Variants in KIAA0825 observed in about 807,000 individuals in gnomAD.
The protein encoded by KIAA0825 is uncharacterized protein KIAA0825.
Under a neutral mutation model 147.6 loss-of-function variants are expected in KIAA0825, and 119 were observed. That is an observed-to-expected ratio of 0.81 (90% CI 0.69 to 0.94). KIAA0825 has a LOEUF of 0.94. Ranked by LOEUF, KIAA0825 falls within the 40% of genes least tolerant of loss-of-function variation. KIAA0825 has a pLI of 0.00. For missense variants in KIAA0825, 1,381 were observed against 1,472.7 expected (o/e 0.94, Z 1.02); for synonymous variants, 470 against 518.1 (o/e 0.91, Z 1.26).
intron 20 of KIAA0825, among the ~76,000 whole-genome samples, chr5:94,248,297 A>G (rs780498501): frequency 2.0e-5 from 3 of 152,174 alleles, no homozygotes; most frequent in Non-Finnish European, 2.9e-5. Context: ...CCTGTCTGGA[A>G]TGACAAAATC....
chr5:94,299,423 G>A (rs930205175), intron 20 of KIAA0825, among the ~76,000 whole-genome samples: 6 of 150,140 alleles, frequency 4.0e-5, no homozygotes, highest in African/African-American at 9.8e-5. Flanking sequence ...GTCTCACTGC[G>A]TTGCCCAGGC....
At chr5:94,188,680 G>A (rs1002538815) in intron 20 of KIAA0825, among the ~76,000 whole-genome samples, 1 of 152,080 alleles carries the variant, frequency 6.6e-6, no homozygotes. Flanking sequence ...AACAGTTGAT[G>A]GACATTTGGG....
Position 94,399,432 on chromosome 5 carries a change from T to C in KIAA0825, c.2888-2923A>G, listed in dbSNP as rs991408664. Among the ~76,000 whole-genome samples the C allele has an allele frequency of 3.3e-5, 5 of 152,110 alleles. No individual in the cohort carries two copies. The South Asian group carries it at 8.3e-4, about 25-fold the overall frequency. On this transcript the variant is annotated intron_variant, in intron 16 of 20. Transcript: ENST00000682413. ...ACACCTACACTCTACTGATATTTTA[T>C]AAACTCCGAGGACTATGGGCACTCA...
At chr5:94,593,605 G>C in intron 1 of KIAA0825, 1 of 513,568 alleles carries the variant, frequency 1.9e-6, no homozygotes, top group Admixed American at 2.8e-5. Context: ...ATTGATGTCA[G>C]AGGAGCTAAC....
intron 20 of KIAA0825, among the ~76,000 whole-genome samples, chr5:94,165,637 T>G (rs1251771778): frequency 6.6e-6 from 1 of 152,232 alleles, no homozygotes; most frequent in East Asian, 1.9e-4. Context: ...AAAGAAAATG[T>G]GGTACATATA....
At chr5:94,576,103 A>G (rs1177256494) in intron 2 of KIAA0825, among the ~76,000 whole-genome samples, 1 of 152,220 alleles carries the variant, frequency 6.6e-6, no homozygotes. Flanking sequence ...AATGCATGAG[A>G]AAAGATAGTG....
chr5:94,176,932 G>T (rs1470021479), intron 20 of KIAA0825, among the ~76,000 whole-genome samples: 1 of 151,972 alleles, frequency 6.6e-6, no homozygotes, highest in Non-Finnish European at 1.5e-5. Flanking sequence ...AAGTAACTAT[G>T]ACATTACCAT....
chr5:94,216,484 A>T (rs1237126001), intron 20 of KIAA0825, among the ~76,000 whole-genome samples: 1 of 152,308 alleles, frequency 6.6e-6, no homozygotes, highest in East Asian at 1.9e-4. Flanking sequence ...GATTTTTAAC[A>T]GGAGGAATCC....
intron 1 of KIAA0825, among the ~76,000 whole-genome samples, chr5:94,589,653 GATT>G (rs1186023805): frequency 6.6e-6 from 1 of 151,952 alleles, no homozygotes; most frequent in Admixed American, 6.6e-5. Flanking sequence ...TCCATATTTT[GATT>G]ATATCTCCTT....
Position 94,477,323 on chromosome 5 carries a change from T to C in KIAA0825, c.1133-118A>G, listed in dbSNP as rs767115622. The C allele has an allele frequency of 1.2e-4, 69 of 559,354 alleles. 1 individual carries two copies. Among genetic ancestry groups the C allele is most frequent in the Non-Finnish European group, 1.9e-4 (61 of 315,488 alleles). 34.6% of individuals were successfully genotyped at this position (559,354 alleles called of 1,614,324 possible). A position where few individuals can be genotyped will look rare whatever the true frequency, so the allele number is the denominator to read the frequency against. On this transcript the variant is annotated intron_variant, in intron 6 of 20. Coordinates refer to ENST00000682413, the MANE Select transcript of KIAA0825 (RefSeq NM_001145678.3). ...GTAGAAAAGTTCTATCCACAGTACA[T>C]ACATACATATACACATCCACAAATA...
chr5:94,321,846 G>A (rs1278955547), intron 20 of KIAA0825, among the ~76,000 whole-genome samples: 1 of 151,914 alleles, frequency 6.6e-6, no homozygotes, highest in Non-Finnish European at 1.5e-5. Context: ...TAGTGATACT[G>A]AAGGTATAGA....
At chr5:94,164,343 A>G (rs748380250) in intron 20 of KIAA0825, among the ~76,000 whole-genome samples, 1 of 152,174 alleles carries the variant, frequency 6.6e-6, no homozygotes, top group Non-Finnish European at 1.5e-5. Flanking sequence ...TGGTATTAGC[A>G]TAAAAAAGAC....
Position 94,214,370 on chromosome 5 carries a change from C to A in KIAA0825, c.3711-60246G>T, listed in dbSNP as rs186195265. Among the ~76,000 whole-genome samples the A allele has an allele frequency of 3.7e-4, 57 of 152,228 alleles. No homozygotes were observed. The East Asian group carries it at 0.01, about 27-fold the overall frequency. The stretch of plus-strand genomic sequence containing the variant: ...ACCCTCAAAAAATAACCAAAAGGAA[C>A]CCCTTTTAAATAGACTTATTCATTG... On this transcript the variant is annotated intron_variant, in intron 20 of 20. Coordinates refer to ENST00000682413, the MANE Select transcript of KIAA0825 (RefSeq NM_001145678.3).
chr5:94,383,188 A>G (rs1156939910), intron 20 of KIAA0825, among the ~76,000 whole-genome samples: 1 of 152,166 alleles, frequency 6.6e-6, no homozygotes, highest in Non-Finnish European at 1.5e-5. Context: ...TGCTGGGGAA[A>G]GGCTCTGGCC....
chr5:94,241,644 T>A (rs571330129), intron 20 of KIAA0825, among the ~76,000 whole-genome samples: 52 of 152,286 alleles, frequency 3.4e-4, no homozygotes, highest in Middle Eastern at 6.8e-3. Flanking sequence ...TTTTAAGCAT[T>A]TAAAAATAAA....
chr5:94,368,401 A>G (rs769006228), intron 20 of KIAA0825, among the ~76,000 whole-genome samples: 5 of 152,106 alleles, frequency 3.3e-5, no homozygotes, highest in Non-Finnish European at 5.9e-5. Context: ...TCGAACTCCT[A>G]GGCTCAAGGG....
chr5:94,164,335 G>A (rs1767837260), intron 20 of KIAA0825, among the ~76,000 whole-genome samples: 1 of 151,784 alleles, frequency 6.6e-6, no homozygotes, highest in Non-Finnish European at 1.5e-5. Flanking sequence ...AAACAGTATG[G>A]TATTAGCATA....
At chr5:94,353,936 A>G (rs532374982) in intron 20 of KIAA0825, among the ~76,000 whole-genome samples, 5 of 152,314 alleles carry the variant, frequency 3.3e-5, no homozygotes, top group Admixed American at 1.3e-4. Context: ...AATCTATTAC[A>G]TAGTATTTTT....
Position 94,592,998 on chromosome 5 carries a change from G to A in KIAA0825, c.-152-10415C>T, listed in dbSNP as rs1784620437. 1.8e-5 allele frequency: 11 copies of A among 612,546 alleles called. No individual in the cohort carries two copies. In the Admixed American group the frequency reaches 2.3e-4, roughly 13 times the overall value. 37.9% of individuals were successfully genotyped at this position (612,546 alleles called of 1,614,324 possible). ...GATGTACATTTAATATACTTTGGAAGCTTCAAAAGCAGAAGATCAGTCTAT... is the reference window on the plus strand; with the variant it reads ...GATGTACATTTAATATACTTTGGAAACTTCAAAAGCAGAAGATCAGTCTAT... On this transcript the variant is annotated intron_variant, in intron 1 of 20. Transcript: ENST00000682413.
Sources: gnomAD v4.1 joint callset for allele counts (sites outside exome capture counted in the v4.1 genomes callset) on GRCh38, gnomAD v4.1.1 for gene constraint, MANE v1.5 for transcripts, NCBI Gene and HGNC (gene_info 2026-07-23, HGNC 2026-07-21) for gene names.